PLCB4: variants seen among roughly 807,000 people sequenced by gnomAD.
PLCB4 encodes phospholipase C beta 4.
A neutral mutation model predicts 178.8 loss-of-function variants in PLCB4; 77 were observed. The ratio of observed to expected loss-of-function variants is 0.43; its 90% CI spans 0.36 to 0.52. PLCB4 has a LOEUF of 0.52. Among genes scored for constraint, PLCB4 ranks in the 20% least tolerant of loss-of-function variants. PLCB4 has a pLI of 0.00. For missense variants in PLCB4, 1,024 were observed against 1,453.4 expected, an observed-to-expected ratio of 0.70 and a Z score of 4.80; for synonymous variants, 496 against 490.8, an observed-to-expected ratio of 1.01 and a Z score of -0.14.
intron 2 of PLCB4, among the ~76,000 whole-genome samples, chr20:9,179,601 A>G (rs901347669): frequency 7.2e-5 from 11 of 152,214 alleles, no homozygotes; most frequent in African/African-American, 2.7e-4. Flanking sequence ...TAGAAAACGA[A>G]TACAGCAGAT....
chr20:9,201,579 A>C (rs1041594855), intron 2 of PLCB4, among the ~76,000 whole-genome samples: 34 of 152,242 alleles, frequency 2.2e-4, no homozygotes, highest in Non-Finnish European at 3.4e-4. Context: ...TTTAAAAAGG[A>C]CATAATAATA....
At chr20:9,113,988 C>T (rs6077493) in intron 2 of PLCB4, among the ~76,000 whole-genome samples, 70,440 of 151,744 alleles carry the variant, frequency 0.46, 17,071 homozygotes, top group Middle Eastern at 0.57. Context: ...CTGAGGGGGG[C>T]GGATCACTTG....
intron 2 of PLCB4, among the ~76,000 whole-genome samples, chr20:9,144,964 C>G (rs529258523): frequency 6.6e-6 from 1 of 152,072 alleles, no homozygotes; most frequent in African/African-American, 2.4e-5. Flanking sequence ...CTAAAAGTGC[C>G]GGAGGTATAT....
chr20:9,401,666 A>G (rs2039037496), intron 20 of PLCB4, 76 bp downstream of exon 20: 3 of 944,086 alleles, frequency 3.2e-6, no homozygotes, highest in Admixed American at 2.0e-5. Context: ...TGTGAGAACC[A>G]CAAGAGAATA....
rs2044741999 is a variant in PLCB4, at chr20:9,479,074, GA to G, written c.*68del. 2 of 1,101,406 alleles carry G rather than the reference GA, an allele frequency of 1.8e-6. No individual in the cohort carries two copies. Among genetic ancestry groups the G allele is most frequent in the Non-Finnish European group, 2.8e-6 (2 of 724,588 alleles). 68.2% of individuals were successfully genotyped at this position (1,101,406 alleles called of 1,614,324 possible). On this transcript the variant is annotated 3_prime_UTR_variant, in exon 40 of 40. Transcript: ENST00000378473. ...ACTTCTGAACACAAACTCCATGGAT[GA>G]AAGCTGTTTATTTTGTTTCCTTTAT...
chr20:9,323,668 T>G (rs2029872608), intron 4 of PLCB4, among the ~76,000 whole-genome samples: 2 of 152,150 alleles, frequency 1.3e-5, no homozygotes, highest in African/African-American at 4.8e-5. Context: ...GGTGTGTCGC[T>G]TAAATCTCCC....
intron 32 of PLCB4, among the ~76,000 whole-genome samples, chr20:9,450,455 G>A (rs557923982): frequency 1.3e-5 from 2 of 152,270 alleles, no homozygotes; most frequent in South Asian, 4.1e-4. Flanking sequence ...CACAGGGATG[G>A]AGTTTTGAAT....
intron 7 of PLCB4, among the ~76,000 whole-genome samples, chr20:9,361,448 G>A (rs776814480): frequency 3.9e-5 from 6 of 152,176 alleles, no homozygotes; most frequent in Non-Finnish European, 8.8e-5. Context: ...GAGACAGAAA[G>A]GAGAATGGTA....
In PLCB4 at chr20:9,251,249, C is replaced by T. The variant is rs535031998; in HGVS notation, c.-16+33797C>T. 3.3e-5 allele frequency among the ~76,000 whole-genome samples: 5 copies of T among 152,214 alleles called. No homozygotes were observed. The South Asian group carries it at 1.0e-3, about 32-fold the overall frequency. ...AATACCTAAGTCATTTTGTTTGAGC[C>T]CTTGCTAATGAAAGTGTGGTCCTCA... On this transcript the variant is annotated intron_variant, in intron 3 of 39. Coordinates refer to ENST00000378473, the MANE Select transcript of PLCB4 (RefSeq NM_001377142.1).
At position 9,413,048 on chromosome 20, in the gene PLCB4, A is replaced by G. The variant is rs541629370; in HGVS notation, c.2051+1960A>G. 5.3e-4 allele frequency among the ~76,000 whole-genome samples: 81 copies of G among 152,364 alleles called. 2 individuals carry two copies. The South Asian group carries it at 0.015, about 29-fold the overall frequency. On this transcript the variant is annotated intron_variant, in intron 25 of 39. Transcript: ENST00000378473. The stretch of plus-strand genomic sequence containing the variant: ...AGAAAAGCTTAAGGCCTTGTGATCA[A>G]TCACACACACAGACATTGCAAAATT...
At chr20:9,310,727 AT>A (rs1247883228) in intron 4 of PLCB4, among the ~76,000 whole-genome samples, 1 of 152,174 alleles carries the variant, frequency 6.6e-6, no homozygotes. Context: ...ATAAAAAAAA[AT>A]AAATAAAAAA....
intron 2 of PLCB4, among the ~76,000 whole-genome samples, chr20:9,149,888 G>A (rs1231882613): frequency 6.6e-6 from 1 of 152,200 alleles, no homozygotes; most frequent in Non-Finnish European, 1.5e-5. Flanking sequence ...GGACTGGGCA[G>A]AGGGAGAAGT....
rs147043420 is a variant in PLCB4 at position 9,452,003 on chromosome 20, AAGCCCAGATC to A, written c.2881-1343_2881-1334del. Among the ~76,000 whole-genome samples the A allele has an allele frequency of 8.4e-3, 1,279 of 152,334 alleles. 14 individuals carry two copies. Among genetic ancestry groups the A allele is most frequent in the African/African-American group, 0.03 (1,229 of 41,578 alleles). Reference sequence around the variant, plus strand: ...TTATGGGGCATTCCAATTACAAATTAAGCCCAGATCCACAGCAAGCCCACCTAGCCTTTGT... The same window carrying A: ...TTATGGGGCATTCCAATTACAAATTACACAGCAAGCCCACCTAGCCTTTGT... On this transcript the variant is annotated intron_variant, in intron 32 of 39. Coordinates refer to ENST00000378473, the MANE Select transcript of PLCB4 (RefSeq NM_001377142.1).
At chr20:9,458,736 C>A (rs1324450331) in intron 34 of PLCB4, among the ~76,000 whole-genome samples, 1 of 152,146 alleles carries the variant, frequency 6.6e-6, no homozygotes, top group Non-Finnish European at 1.5e-5. Context: ...CCAGCCTCTG[C>A]TTGCATCACA....
chr20:9,365,570 A>G lies in PLCB4; in HGVS notation c.503+56A>G, dbSNP rs1165907925. On this transcript the variant is annotated intron_variant, in intron 9 of 39. Transcript: ENST00000378473. Reference sequence around the variant, plus strand: ...TCCCGGGTCAACGCTTGTCATCCCAAACCAAAGAGAGAACCCTTCACAAGT... The same window carrying G: ...TCCCGGGTCAACGCTTGTCATCCCAGACCAAAGAGAGAACCCTTCACAAGT... 4 of 1,004,268 alleles carry G rather than the reference A, an allele frequency of 4.0e-6. No homozygotes were observed. The African/African-American group carries it at 4.8e-5, about 12-fold the overall frequency. The allele number at this position is 1,004,268 out of a possible 1,614,324, so 62.2% of individuals were successfully genotyped here. A position where few individuals can be genotyped will look rare whatever the true frequency, so the allele number is the denominator to read the frequency against.
intron 2 of PLCB4, among the ~76,000 whole-genome samples, chr20:9,116,176 T>G (rs1486510574): frequency 6.6e-6 from 1 of 151,986 alleles, no homozygotes; most frequent in Non-Finnish European, 1.5e-5. Context: ...TGGCTTCAAA[T>G]CTTTTATGAA....
At chr20:9,418,421 A>G (rs185849034) in intron 25 of PLCB4, among the ~76,000 whole-genome samples, 14 of 152,286 alleles carry the variant, frequency 9.2e-5, no homozygotes, top group South Asian at 2.1e-4. Flanking sequence ...TTAAAAGACT[A>G]TTCTTTCACC....
intron 2 of PLCB4, among the ~76,000 whole-genome samples, chr20:9,190,889 C>A (rs1328765790): frequency 6.6e-6 from 1 of 152,158 alleles, no homozygotes; most frequent in Non-Finnish European, 1.5e-5. Flanking sequence ...GTCACACAAT[C>A]TGTAAAAGAC....
intron 10 of PLCB4, among the ~76,000 whole-genome samples, chr20:9,371,564 GATTTT>G (rs2036257067): frequency 6.6e-6 from 1 of 151,776 alleles, no homozygotes; most frequent in Admixed American, 6.6e-5. Context: ...TGCTTCAAAT[GATTTT>G]TGTCACCTTT....
Sources: gnomAD v4.1 joint callset for allele counts (sites outside exome capture counted in the v4.1 genomes callset) on GRCh38, gnomAD v4.1.1 for gene constraint, MANE v1.5 for transcripts, NCBI Gene and HGNC (gene_info 2026-07-23, HGNC 2026-07-21) for gene names.